MYO16: variants seen among roughly 807,000 people sequenced by gnomAD.
The protein encoded by MYO16 is myosin XVI, also known as unconventional myosin-XVI.
A neutral mutation model predicts 205.3 loss-of-function variants in MYO16; 94 were observed. That is an observed-to-expected ratio of 0.46 (90% CI 0.39 to 0.54). MYO16 has a LOEUF of 0.54. Ranked by LOEUF, MYO16 falls within the 20% of genes least tolerant of loss-of-function variation. The probability of loss-of-function intolerance (pLI) is 0.00; values close to 1 mark genes in which losing one functional copy is unlikely to be tolerated. For missense variants in MYO16, 2,315 were observed against 2,387.5 expected (o/e 0.97, Z 0.63); for synonymous variants, 988 against 954.0 (o/e 1.04, Z -0.66).
At chr13:108,854,125 C>T (rs966769484) in intron 10 of MYO16, among the ~76,000 whole-genome samples, 2 of 152,052 alleles carry the variant, frequency 1.3e-5, no homozygotes, top group Admixed American at 1.3e-4. Context: ...TCCTGAGTAG[C>T]TGAGATTACA....
At chr13:109,146,408 C>A (rs971037685) in intron 32 of MYO16, among the ~76,000 whole-genome samples, 1 of 152,074 alleles carries the variant, frequency 6.6e-6, no homozygotes, top group African/African-American at 2.4e-5. Flanking sequence ...GATTAATGAA[C>A]CTTCTCTGTG....
the MYO16 span, among the ~76,000 whole-genome samples, chr13:108,582,210 T>A: frequency 4.6e-4 from 70 of 152,330 alleles, 1 homozygote; most frequent in East Asian, 0.012. Context: ...CGTTTGTGAC[T>A]GTTTCAGGTT....
chr13:109,160,859 T>A (rs976345519), intron 32 of MYO16, among the ~76,000 whole-genome samples: 2 of 152,212 alleles, frequency 1.3e-5, no homozygotes, highest in African/African-American at 4.8e-5. Context: ...TCAGACTTAA[T>A]GCCATTGTCC....
chr13:108,943,140 G>A (rs111868207), intron 16 of MYO16, among the ~76,000 whole-genome samples: 5 of 152,304 alleles, frequency 3.3e-5, no homozygotes, highest in African/African-American at 1.2e-4. Context: ...AAGAGGAAAG[G>A]TATGAAACAT....
At chr13:108,575,397 T>A in the MYO16 span, among the ~76,000 whole-genome samples, 1 of 152,272 alleles carries the variant, frequency 6.6e-6, no homozygotes, top group East Asian at 1.9e-4. Context: ...GTTGCAGACC[T>A]CAGGCCCTTG....
intron 3 of MYO16, among the ~76,000 whole-genome samples, chr13:108,722,051 A>G (rs1411620924): frequency 3.9e-5 from 6 of 152,108 alleles, no homozygotes; most frequent in Non-Finnish European, 8.8e-5. Flanking sequence ...ATCGTCAATA[A>G]TTTTAAAACT....
Position 108,701,229 on chromosome 13 carries a change from G to A in MYO16, c.293-11432G>A, listed in dbSNP as rs527387203. On this transcript the variant is annotated intron_variant, in intron 2 of 34. Coordinates refer to ENST00000457511, the MANE Select transcript of MYO16 (RefSeq NM_001198950.3). ...GCGGAGAGGGAATCGGATTTTCAAAGTCTCCACATTTTATTATTCATCATG... is the reference window on the plus strand; with the variant it reads ...GCGGAGAGGGAATCGGATTTTCAAAATCTCCACATTTTATTATTCATCATG... Among the ~76,000 whole-genome samples, 6 of 152,168 alleles carry A rather than the reference G, an allele frequency of 3.9e-5. No individual in the cohort carries two copies. In the East Asian group the frequency reaches 9.7e-4, roughly 25 times the overall value.
intron 10 of MYO16, among the ~76,000 whole-genome samples, chr13:108,853,859 A>G (rs959444236): frequency 1.3e-5 from 2 of 152,068 alleles, no homozygotes; most frequent in African/African-American, 4.8e-5. Flanking sequence ...CTCCAGTGCC[A>G]TAAAGCTTGC....
At chr13:108,594,079 CTACCCAAGA>C (rs1878473443), upstream of MYO16, among the ~76,000 whole-genome samples, 2 of 152,312 alleles carry the variant, frequency 1.3e-5, no homozygotes, top group South Asian at 4.1e-4. Context: ...CAAACACGGG[CTACCCAAGA>C]CACCCTTGCT....
chr13:108,531,922 G>T, the MYO16 span, among the ~76,000 whole-genome samples: 5 of 152,068 alleles, frequency 3.3e-5, no homozygotes, highest in African/African-American at 1.2e-4. Context: ...ATCAAAAGCA[G>T]AAGGCCCGGC....
intron 28 of MYO16, among the ~76,000 whole-genome samples, chr13:109,107,808 T>TTTATATTATATTATA (rs1264152970): frequency 2.3e-4 from 13 of 57,608 alleles, no homozygotes; most frequent in Non-Finnish European, 4.1e-4. Context: ...ACCATATATA[T>TTTATATTATATTATA]TCATATTATA....
rs988011563 is a variant in MYO16, at chr13:108,776,240, G to A, written c.508-9395G>A. Among the ~76,000 whole-genome samples the A allele has an allele frequency of 3.3e-5, 5 of 152,148 alleles. No individual in the cohort carries two copies. The South Asian group carries it at 8.3e-4, about 25-fold the overall frequency. ...AGAATCTGTTTTTATTCATGGAGGCGAGACAGAGGACTCTGCACATAGCAT... is the reference window on the plus strand; with the variant it reads ...AGAATCTGTTTTTATTCATGGAGGCAAGACAGAGGACTCTGCACATAGCAT... On this transcript the variant is annotated intron_variant, in intron 4 of 34. Transcript: ENST00000457511.
intron 10 of MYO16, among the ~76,000 whole-genome samples, chr13:108,845,486 A>G (rs1933223): frequency 0.69 from 105,306 of 151,850 alleles, 37,046 homozygotes; most frequent in Middle Eastern, 0.76. Flanking sequence ...GAGGCAGGGA[A>G]AATGGGAAGG....
At chr13:108,833,866 C>A (rs1486011410) in intron 9 of MYO16, among the ~76,000 whole-genome samples, 5 of 151,808 alleles carry the variant, frequency 3.3e-5, no homozygotes, top group Admixed American at 2.0e-4. Flanking sequence ...TCTAAGCTAC[C>A]CTTGGATGGT....
chr13:108,630,794 A>G (rs560588753), intron 1 of MYO16, among the ~76,000 whole-genome samples: 3 of 152,224 alleles, frequency 2.0e-5, no homozygotes. Flanking sequence ...TGAGCTTTGC[A>G]CTAAAGGAGA....
chr13:108,638,628 CCT>C (rs1227992791), intron 1 of MYO16, among the ~76,000 whole-genome samples: 2 of 152,078 alleles, frequency 1.3e-5, no homozygotes, highest in African/African-American at 4.8e-5. Flanking sequence ...TGTTTCTGCC[CCT>C]CTCACTTTTC....
At chr13:108,547,568 G>A in the MYO16 span, among the ~76,000 whole-genome samples, 3 of 152,210 alleles carry the variant, frequency 2.0e-5, no homozygotes, top group South Asian at 4.1e-4. Flanking sequence ...ACATCTTCTT[G>A]GATATTTAGT....
chr13:109,100,706 A>T, intron 27 of MYO16, 79 bp from the exon 28 acceptor site: 4 of 1,164,206 alleles, frequency 3.4e-6, no homozygotes, highest in Non-Finnish European at 5.0e-6. Context: ...GAAACGATGT[A>T]ACAAAGACAG....
intron 32 of MYO16, among the ~76,000 whole-genome samples, chr13:109,151,353 C>A (rs1480351071): frequency 2.6e-5 from 4 of 152,122 alleles, no homozygotes; most frequent in Admixed American, 2.6e-4. Flanking sequence ...CAATTAGTGG[C>A]CATTTGCAAA....
Sources: allele counts gnomAD v4.1 joint callset (sites outside exome capture counted in the v4.1 genomes callset), GRCh38; gene constraint gnomAD v4.1.1; transcripts MANE v1.5; gene names NCBI Gene and HGNC (gene_info 2026-07-23, HGNC 2026-07-21).